Variants in DLC1 observed in about 807,000 individuals in gnomAD.
DLC1 encodes DLC1 Rho GTPase activating protein, also known as rho GTPase-activating protein 7.
A neutral mutation model predicts 140.3 loss-of-function variants in DLC1; 54 were observed. The observed-to-expected ratio is 0.38, with a 90% CI of 0.31 to 0.48. The LOEUF (loss-of-function observed/expected upper bound fraction) is 0.48, where lower values mean the gene tolerates loss of function less well. DLC1 is among the 20% of genes least tolerant of loss of function. The pLI is 0.96. For missense variants in DLC1, 2,536 were observed against 1,907.0 expected, an observed-to-expected ratio of 1.33 and a Z score of -6.14; for synonymous variants, 986 against 728.1, an observed-to-expected ratio of 1.35 and a Z score of -5.70.
At position 13,114,652 on chromosome 8, in the gene DLC1, C is replaced by T. The variant is rs75992362; in HGVS notation, c.1420+934G>A. 0.014 allele frequency among the ~76,000 whole-genome samples: 2,152 copies of T among 152,036 alleles called. 136 individuals carry two copies. The East Asian group carries it at 0.19, about 14-fold the overall frequency. Reference sequence around the variant, plus strand: ...AATGGTGGGAAAGATATCTGCAACACGTGACCAATGAAAGATTAGTATTTA... The same window carrying T: ...AATGGTGGGAAAGATATCTGCAACATGTGACCAATGAAAGATTAGTATTTA... On this transcript the variant is annotated intron_variant, in intron 6 of 17. Coordinates refer to ENST00000276297, the MANE Select transcript of DLC1 (RefSeq NM_182643.3).
In DLC1 at chr8:13,202,835, C is replaced by T. The variant is rs574366635; in HGVS notation, c.1349-87178G>A. On this transcript the variant is annotated intron_variant, in intron 5 of 17. Transcript: ENST00000276297. ...ACTACAGGCATGCACCTCTGTGTCT[C>T]GCTAATTGTTGTATTTTTTGTAGAG... Among the ~76,000 whole-genome samples the T allele has an allele frequency of 4.6e-5, 7 of 151,990 alleles. No individual in the cohort carries two copies. The South Asian group carries it at 1.5e-3, about 32-fold the overall frequency.
At chr8:13,549,823 A>G (rs764475104) in intron 1 of DLC1, among the ~76,000 whole-genome samples, 4 of 152,150 alleles carry the variant, frequency 2.6e-5, no homozygotes, top group Non-Finnish European at 5.9e-5. Context: ...TGAAAATTCT[A>G]GAGCTTAAAG....
chr8:13,604,328 A>T (rs1805978597), intron 1 of DLC1, among the ~76,000 whole-genome samples: 1 of 152,156 alleles, frequency 6.6e-6, no homozygotes, highest in Non-Finnish European at 1.5e-5. Context: ...GTTTCAATCA[A>T]TGTCAGACAG....
chr8:13,469,926 A>C (rs1379893635), intron 2 of DLC1, among the ~76,000 whole-genome samples: 1 of 152,228 alleles, frequency 6.6e-6, no homozygotes, highest in Non-Finnish European at 1.5e-5. Flanking sequence ...ATGGTATTAC[A>C]GCTCAATATT....
chr8:13,366,480 A>C (rs917617971), intron 4 of DLC1, among the ~76,000 whole-genome samples: 16 of 152,202 alleles, frequency 1.1e-4, no homozygotes, highest in African/African-American at 3.6e-4. Flanking sequence ...GTGATATTCT[A>C]GCCTTTGAGG....
chr8:13,132,851 C>G, intron 5 of DLC1: 1 of 1,474,510 alleles, frequency 6.8e-7, no homozygotes, highest in Non-Finnish European at 9.3e-7. Flanking sequence ...CAGGCACCGA[C>G]TTGACAAGGC....
At chr8:13,169,153 G>T (rs903781208) in intron 5 of DLC1, among the ~76,000 whole-genome samples, 3 of 152,170 alleles carry the variant, frequency 2.0e-5, no homozygotes, top group African/African-American at 7.2e-5. Context: ...TGTAGCTCAA[G>T]GTTAGAACTT....
At chr8:13,230,099 T>A (rs1022459227) in intron 5 of DLC1, among the ~76,000 whole-genome samples, 1 of 152,220 alleles carries the variant, frequency 6.6e-6, no homozygotes, top group African/African-American at 2.4e-5. Flanking sequence ...TTTGCTACTT[T>A]ATGAGGTTCA....
At chr8:13,435,792 A>G (rs1839094918) in intron 2 of DLC1, among the ~76,000 whole-genome samples, 1 of 152,222 alleles carries the variant, frequency 6.6e-6, no homozygotes, top group Non-Finnish European at 1.5e-5. Context: ...TACTCTGGGG[A>G]AAATGCTGTC....
chr8:13,533,791 G>C (rs926256090), intron 1 of DLC1, among the ~76,000 whole-genome samples: 5 of 152,144 alleles, frequency 3.3e-5, no homozygotes, highest in Non-Finnish European at 5.9e-5. Context: ...GGATAGTGGG[G>C]TTCTCACTGT....
chr8:13,415,055 G>T (rs577841350), intron 2 of DLC1, among the ~76,000 whole-genome samples: 43 of 152,150 alleles, frequency 2.8e-4, no homozygotes, highest in African/African-American at 8.7e-4. Context: ...CTTGTGATTT[G>T]CCCACCTTGG....
intron 1 of DLC1, among the ~76,000 whole-genome samples, chr8:13,572,189 A>G (rs2117416746): frequency 6.6e-6 from 1 of 150,824 alleles, no homozygotes; most frequent in South Asian, 2.1e-4. Flanking sequence ...TCCCGGGTTC[A>G]CACCATTCTC....
chr8:13,499,873 C>T lies in DLC1; in HGVS notation c.199G>A (p.Gly67Arg). ...CCAGGAAAATCTCTCAGCTCTGATC[C>T]ATGACAGCAGTCAGGTAGTGAAACA... ...KCVSLPDCCH[G>R]SELRDFPGRP... Residue 67 changes from glycine (G) to arginine (R), a missense_variant, in exon 2 of 18, where the codon GGA becomes AGA. Coordinates refer to ENST00000276297, the MANE Select transcript of DLC1 (RefSeq NM_182643.3). 3 of 1,614,088 alleles carry T rather than the reference C, an allele frequency of 1.9e-6. No homozygotes were observed. The highest frequency in any genetic ancestry group is 2.2e-5 in the South Asian group (2 of 91,086).
At chr8:13,415,456 G>C (rs1838011503) in intron 2 of DLC1, among the ~76,000 whole-genome samples, 1 of 149,084 alleles carries the variant, frequency 6.7e-6, no homozygotes, top group Admixed American at 6.7e-5. Context: ...CTGGAGTGTA[G>C]TAGCGCGACC....
chr8:13,326,199 A>T (rs1833341043), intron 4 of DLC1, among the ~76,000 whole-genome samples: 1 of 152,232 alleles, frequency 6.6e-6, no homozygotes, highest in African/African-American at 2.4e-5. Context: ...ATTAAAAATT[A>T]TGAAAAATGA....
intron 2 of DLC1, among the ~76,000 whole-genome samples, chr8:13,477,210 G>GA (rs35223127): frequency 2.0e-5 from 3 of 151,374 alleles, no homozygotes; most frequent in South Asian, 2.1e-4. Context: ...CAAACAAGAT[G>GA]AAAAAAAAAA....
At chr8:13,505,661 A>G (rs902224682) in intron 1 of DLC1, among the ~76,000 whole-genome samples, 2 of 152,128 alleles carry the variant, frequency 1.3e-5, no homozygotes, top group South Asian at 2.1e-4. Flanking sequence ...CACCAGTCTC[A>G]TGTACGTAGC....
intron 4 of DLC1, among the ~76,000 whole-genome samples, chr8:13,387,295 CTTCTG>C (rs1437203196): frequency 1.3e-5 from 2 of 151,870 alleles, no homozygotes; most frequent in African/African-American, 4.8e-5. Flanking sequence ...GTACTTTATC[CTTCTG>C]TTTTGTTTTA....
At chr8:13,516,308 C>G (rs935141992), upstream of DLC1, among the ~76,000 whole-genome samples, 35 of 152,286 alleles carry the variant, frequency 2.3e-4, no homozygotes, top group African/African-American at 8.4e-4. Flanking sequence ...TAAAAGACAT[C>G]TTAAACTTGT....
Sources: allele counts gnomAD v4.1 joint callset (sites outside exome capture counted in the v4.1 genomes callset), GRCh38; gene constraint gnomAD v4.1.1; transcripts MANE v1.5; gene names NCBI Gene and HGNC (gene_info 2026-07-23, HGNC 2026-07-21).